The following REV3L variants were observed in gnomAD, a reference collection of about 807,000 sequenced individuals.
The protein encoded by REV3L is DNA polymerase zeta catalytic subunit.
REV3L carries 69 observed loss-of-function variants against 299.4 expected under a neutral mutation model. The observed-to-expected ratio is 0.23, with a 90% confidence interval of 0.19 to 0.28. The LOEUF is 0.28. REV3L is among the 10% of genes least tolerant of loss of function. REV3L has a pLI of 1.00. For synonymous variants in REV3L, 1,238 were observed against 1,271.4 expected (o/e 0.97, Z 0.56); for missense variants, 3,128 against 3,693.8 (o/e 0.85, Z 3.97).
At chr6:111,476,284 T>A (rs914633593) in intron 1 of REV3L, among the ~76,000 whole-genome samples, 3 of 152,150 alleles carry the variant, frequency 2.0e-5, no homozygotes. Flanking sequence ...GCCTCCCAAG[T>A]AGCTGGAACC....
At chr6:111,338,755 A>G (rs1776194593) in intron 21 of REV3L, among the ~76,000 whole-genome samples, 1 of 152,132 alleles carries the variant, frequency 6.6e-6, no homozygotes, top group Admixed American at 6.5e-5. Flanking sequence ...AGTATAGTCT[A>G]TTAGAACTTA....
chr6:111,311,546 G>T, intron 28 of REV3L: 7 of 177,088 alleles, frequency 4.0e-5, no homozygotes, highest in Non-Finnish European at 4.6e-5. Context: ...AACACGTTAA[G>T]TTTTTTTTTT....
intron 31 of REV3L, among the ~76,000 whole-genome samples, chr6:111,301,230 C>T (rs778391035): frequency 6.6e-6 from 1 of 152,190 alleles, no homozygotes; most frequent in Non-Finnish European, 1.5e-5. Context: ...ATCACGAACC[C>T]TGTTTCCTGT....
chr6:111,363,276 T>C (rs566175855), intron 16 of REV3L, among the ~76,000 whole-genome samples: 1 of 152,080 alleles, frequency 6.6e-6, no homozygotes, highest in South Asian at 2.1e-4. Flanking sequence ...AATATAATAA[T>C]CCCCAAAATA....
chr6:111,428,238 G>C (rs1000754827), intron 1 of REV3L, among the ~76,000 whole-genome samples: 7 of 152,180 alleles, frequency 4.6e-5, no homozygotes, highest in African/African-American at 1.7e-4. Flanking sequence ...ACCCTAAGAA[G>C]ACAGTGACAT....
intron 25 of REV3L, among the ~76,000 whole-genome samples, chr6:111,326,690 C>G (rs1774859699): frequency 6.6e-6 from 1 of 151,456 alleles, no homozygotes; most frequent in South Asian, 2.1e-4. Flanking sequence ...TCACAATAGC[C>G]AAGATATGGA....
chr6:111,315,281 A>G lies in REV3L; in HGVS notation c.8452T>C (p.Leu2818=). 6.2e-7 allele frequency: 1 copy of G among 1,613,802 alleles called. No homozygotes were observed. Among genetic ancestry groups the G allele is most frequent in the African/African-American group, 1.3e-5 (1 of 75,022 alleles). The change falls in exon 27 of 32, where the codon TTG becomes CTG. Residue 2818 remains leucine (L), a synonymous_variant. Coordinates refer to ENST00000368802, the MANE Select transcript of REV3L (RefSeq NM_001372078.1). The part of the protein sequence containing the change: ...VTATNPKPVK[L]KFEKVYLPCV... The stretch of plus-strand genomic sequence containing the variant: ...ATTCCTCTTACCTTTTCAAACTTCA[A>G]TTTCACTGGTTTAGGATTGGTAGCA...
At chr6:111,389,774 A>G (rs1335715510) in intron 6 of REV3L, among the ~76,000 whole-genome samples, 5 of 109,564 alleles carry the variant, frequency 4.6e-5, no homozygotes, top group Admixed American at 2.8e-4. Flanking sequence ...GTCTTGCTCT[A>G]TCACCAGGCT....
At position 111,374,198 on chromosome 6, in the gene REV3L, G is replaced by A; in HGVS notation, c.4157C>T (p.Ala1386Val). ...SGMSSKIEDN[A>V]NNIQRNYLSS... Reference sequence around the variant, plus strand: ...CAAATAGTTTCTTTGTATATTATTTGCATTATCTTCTATCTTTGAGGACAT... The same window carrying A: ...CAAATAGTTTCTTTGTATATTATTTACATTATCTTCTATCTTTGAGGACAT... The change falls in exon 13 of 32, where the codon GCA (alanine) becomes GTA (valine). Residue 1386 changes from alanine (A) to valine (V), a missense_variant. Physicochemically the swap from Ala to Val is moderately conservative, Grantham distance 64 (BLOSUM62 0). This residue lies in a region of REV3L where 2,409 missense variants were observed against 2,611.8 expected (regional missense o/e 0.92). Transcript: ENST00000368802. 1 of 1,613,892 alleles carries A rather than the reference G, an allele frequency of 6.2e-7. No homozygotes were observed. Among genetic ancestry groups the A allele is most frequent in the Non-Finnish European group, 8.5e-7 (1 of 1,179,860 alleles).
At position 111,375,964 on chromosome 6, in the gene REV3L, C is replaced by A; in HGVS notation, c.2391G>T (p.Met797Ile). Residue 797 changes from methionine (M) to isoleucine (I), a missense_variant, in exon 13 of 32, where the codon ATG becomes ATT. Transcript: ENST00000368802. Reference protein sequence around the residue: ...PSLSQQAAHYMFFPSVVLSNC... With the variant: ...PSLSQQAAHYIFFPSVVLSNC... The stretch of plus-strand genomic sequence containing the variant: ...TAGAAAGAACAACACTGGGAAAAAA[C>A]ATATAGTGTGCTGCTTGCTGGCTGA... The A allele has an allele frequency of 2.5e-6, 4 of 1,613,876 alleles. No individual in the cohort carries two copies. Among genetic ancestry groups the A allele is most frequent in the Non-Finnish European group, 2.5e-6 (3 of 1,179,880 alleles).
intron 18 of REV3L, among the ~76,000 whole-genome samples, chr6:111,355,300 G>A (rs1428452312): frequency 3.3e-5 from 5 of 152,112 alleles, no homozygotes; most frequent in Non-Finnish European, 7.4e-5. Flanking sequence ...GAGTTTAAGA[G>A]TTTTATGTGT....
At chr6:111,425,998 G>A (rs995992029) in intron 1 of REV3L, among the ~76,000 whole-genome samples, 4 of 152,108 alleles carry the variant, frequency 2.6e-5, no homozygotes, top group East Asian at 1.9e-4. Flanking sequence ...CTCCTAAAAC[G>A]TTTGGATTCT....
intron 1 of REV3L, among the ~76,000 whole-genome samples, chr6:111,456,816 C>CTT (rs1436674651): frequency 1.3e-5 from 2 of 152,062 alleles, no homozygotes; most frequent in African/African-American, 4.8e-5. Context: ...TTAATAGAAG[C>CTT]GTATCTTGCT....
In REV3L at chr6:111,367,472, C is replaced by A; in HGVS notation, c.6316G>T (p.Asp2106Tyr). 6.2e-7 allele frequency: 1 copy of A among 1,608,624 alleles called. No individual in the cohort carries two copies. Among genetic ancestry groups the A allele is most frequent in the Non-Finnish European group, 8.5e-7 (1 of 1,176,524 alleles). Residue 2106 changes from aspartate to tyrosine, a missense_variant, in exon 14 of 32, where the codon GAT becomes TAT. Physicochemically the swap from Asp to Tyr is radical, Grantham distance 160 (BLOSUM62 -3). This residue lies in a region of REV3L where 2,409 missense variants were observed against 2,611.8 expected (regional missense o/e 0.92). Transcript: ENST00000368802. ...TAATAGTTATCATCATCATCTTCAT[C>A]TTTTTCGGGATCACTTGCAGAGGCA... ...PVASASDPEKDEDDDDNYYIS... is the reference protein window; with the variant it reads ...PVASASDPEKYEDDDDNYYIS...
chr6:111,472,770 A>C (rs779380556), intron 1 of REV3L, among the ~76,000 whole-genome samples: 8 of 152,174 alleles, frequency 5.3e-5, no homozygotes, highest in Non-Finnish European at 1.2e-4. Context: ...AAGAAACACA[A>C]GATCATCTGG....
intron 20 of REV3L, among the ~76,000 whole-genome samples, chr6:111,348,642 T>C (rs1035376497): frequency 4.6e-5 from 7 of 152,206 alleles, no homozygotes; most frequent in Non-Finnish European, 8.8e-5. Context: ...ATTCAACATG[T>C]ACAACACAAT....
At chr6:111,421,683 A>G (rs1785376912) in intron 1 of REV3L, among the ~76,000 whole-genome samples, 1 of 152,160 alleles carries the variant, frequency 6.6e-6, no homozygotes, top group South Asian at 2.1e-4. Context: ...TCTTAGGAGA[A>G]TAAGAAATAC....
chr6:111,319,414 T>C (rs1257757766), intron 26 of REV3L, among the ~76,000 whole-genome samples: 2 of 151,880 alleles, frequency 1.3e-5, no homozygotes, highest in Non-Finnish European at 2.9e-5. Flanking sequence ...TGAGCTGAGA[T>C]TGCGCCACTG....
In REV3L at chr6:111,335,492, G is replaced by T. The variant is rs1266636437; in HGVS notation, c.7657C>A (p.His2553Asn). ...ACCTGTGAACCCCTTGTCAGTACAT[G>T]TAAAAACTGAATGCCAAAAAGTCTA... The part of the protein sequence containing the change: ...MARLFGIQFL[H>N]VLTRGSQYRV... The change falls in exon 22 of 32, where the codon CAT (histidine) becomes AAT (asparagine). Residue 2553 changes from histidine (H) to asparagine (N), a missense_variant. Physicochemically the swap from His to Asn is moderately conservative, Grantham distance 68 (BLOSUM62 1). Coordinates refer to ENST00000368802, the MANE Select transcript of REV3L (RefSeq NM_001372078.1). The T allele has an allele frequency of 1.2e-6, 2 of 1,613,482 alleles. No homozygotes were observed. The highest frequency in any genetic ancestry group is 1.7e-5 in the Admixed American group (1 of 59,946).
Sources: gnomAD v4.1 joint callset for allele counts (sites outside exome capture counted in the v4.1 genomes callset) on GRCh38, gnomAD v4.1.1 for gene constraint, gnomAD v4.1.1 regional missense constraint, MANE v1.5 for transcripts, NCBI Gene and HGNC (gene_info 2026-07-23, HGNC 2026-07-21) for gene names.